Variants in ANKRD37 observed in about 807,000 individuals in gnomAD.
ANKRD37 encodes the protein ankyrin repeat domain 37.
Under a neutral mutation model 19.7 loss-of-function variants are expected in ANKRD37, and 17 were observed. The observed-to-expected ratio is 0.86, with a 90% CI of 0.59 to 1.29. The LOEUF (loss-of-function observed/expected upper bound fraction) is 1.29. Among genes scored for constraint, ANKRD37 ranks in the 50% most tolerant of loss-of-function variants. The pLI is 0.00. For synonymous variants in ANKRD37, 79 were observed against 74.5 expected (o/e 1.06, Z -0.31); for missense variants, 207 against 190.4 (o/e 1.09, Z -0.51).
chr4:185,398,101 G>A (rs2095507810), intron 2 of ANKRD37, among the ~76,000 whole-genome samples: 1 of 152,120 alleles, frequency 6.6e-6, no homozygotes, highest in African/African-American at 2.4e-5. Context: ...GGGATTACAG[G>A]CACGCGCCAC....
Position 185,397,379 on chromosome 4 carries a change from G to A in ANKRD37, c.180+77G>A, listed in dbSNP as rs574522880. Reference sequence around the variant, plus strand: ...CACAAACATTTCTCAGACGCCAAGAGTTGTTTCAGCTGTTAAAAACATGTC... The same window carrying A: ...CACAAACATTTCTCAGACGCCAAGAATTGTTTCAGCTGTTAAAAACATGTC... On this transcript the variant is annotated intron_variant, in intron 2 of 4. Transcript: ENST00000335174. The A allele has an allele frequency of 3.0e-5, 46 of 1,543,994 alleles. No individual in the cohort carries two copies. The African/African-American group carries it at 5.2e-4, about 17-fold the overall frequency.
chr4:185,399,460 C>CT (rs1203386123), intron 3 of ANKRD37, 110 bp from the exon 4 acceptor site: 2 of 1,194,228 alleles, frequency 1.7e-6, no homozygotes, highest in African/African-American at 1.5e-5. Context: ...TCCTTTACCT[C>CT]TTCTGTTCTG....
rs745995558 is a variant in ANKRD37, at chr4:185,397,197, A to C, written c.75A>C (p.Ala25=). 2 of 1,613,820 alleles carry C rather than the reference A, an allele frequency of 1.2e-6. No homozygotes were observed. The highest frequency in any genetic ancestry group is 1.7e-4 in the Middle Eastern group (1 of 5,878). ...HLLETGASVN[A]PPDPCKQSPV... is the part of the protein sequence containing the mutation. ...TGGAGACAGGGGCCTCGGTCAACGC[A>C]CCCCCGGATCCCTGCAAGCAGTCGC... Residue 25 remains alanine (A), a synonymous_variant, in exon 2 of 5, where the codon GCA becomes GCC. Coordinates refer to ENST00000335174, the MANE Select transcript of ANKRD37 (RefSeq NM_181726.4).
At chr4:185,398,902 T>C in intron 2 of ANKRD37, 35 bp from the exon 3 acceptor site, 1 of 1,565,866 alleles carries the variant, frequency 6.4e-7, no homozygotes. Context: ...AAAAGTGTTT[T>C]TGGGAGACTC....
At chr4:185,398,085 G>A (rs1231938784) in intron 2 of ANKRD37, among the ~76,000 whole-genome samples, 1 of 152,144 alleles carries the variant, frequency 6.6e-6, no homozygotes, top group African/African-American at 2.4e-5. Context: ...AGCCTCCCTA[G>A]TAGGTGGGAT....
chr4:185,398,749 A>AAT (rs2095509117), intron 2 of ANKRD37, among the ~76,000 whole-genome samples, 188 bp from the exon 3 acceptor site: 1 of 151,890 alleles, frequency 6.6e-6, no homozygotes, highest in African/African-American at 2.4e-5. Flanking sequence ...ACTGAGAATG[A>AAT]ATATTAACAA....
At chr4:185,397,531 A>G in intron 2 of ANKRD37, 1 of 529,740 alleles carries the variant, frequency 1.9e-6, no homozygotes, top group Non-Finnish European at 3.2e-6. Context: ...TAAACGAAAC[A>G]TGAAATTTTA....
At position 185,396,936 on chromosome 4, in the gene ANKRD37, G is replaced by A; in HGVS notation, c.13G>A (p.Asp5Asn). The change falls in exon 1 of 5, where the codon GAT becomes AAT. Residue 5 changes from aspartate (D) to asparagine (N), a missense_variant. By Grantham distance (23) the Asp-to-Asn change is conservative. Coordinates refer to ENST00000335174, the MANE Select transcript of ANKRD37 (RefSeq NM_181726.4). Reference sequence around the variant, plus strand: ...CCTTAGGCGGGAAATGCTGTTGCTGGATTGCAACCCCGAGGTGAGATTCGG... The same window carrying A: ...CCTTAGGCGGGAAATGCTGTTGCTGAATTGCAACCCCGAGGTGAGATTCGG... MLLL[D>N]CNPEVDGLKH... is the part of the protein sequence containing the mutation. 1 of 1,613,654 alleles carries A rather than the reference G, an allele frequency of 6.2e-7. No individual in the cohort carries two copies. Among genetic ancestry groups the A allele is most frequent in the Non-Finnish European group, 8.5e-7 (1 of 1,180,036 alleles).
Position 185,397,140 on chromosome 4 carries a change from C to T in ANKRD37, c.28-10C>T, listed in dbSNP as rs772772775. ...GTGGGAAGGGTGCTGGATCTGTTCT[C>T]TTCCTGCAGGTGGATGGTCTGAAGC... On this transcript the variant is annotated splice_polypyrimidine_tract_variant and intron_variant, in intron 1 of 4. Coordinates refer to ENST00000335174, the MANE Select transcript of ANKRD37 (RefSeq NM_181726.4). The T allele has an allele frequency of 1.9e-6, 3 of 1,613,010 alleles. No homozygotes were observed. Among genetic ancestry groups the T allele is most frequent in the African/African-American group, 1.3e-5 (1 of 74,920 alleles).
chr4:185,400,251 C>T (rs1319079521), downstream of ANKRD37: 8 of 742,738 alleles, frequency 1.1e-5, no homozygotes, highest in African/African-American at 1.8e-5. Context: ...ATACATTCTC[C>T]GTGCAGTATT....
At position 185,399,775 on chromosome 4, in the gene ANKRD37, T is replaced by TA; in HGVS notation, c.476+4dup. The TA allele has an allele frequency of 6.2e-7, 1 of 1,613,956 alleles. No individual in the cohort carries two copies. The highest frequency in any genetic ancestry group is 1.1e-5 in the South Asian group (1 of 91,038). On this transcript the variant is annotated splice_region_variant and intron_variant, in intron 4 of 4. Coordinates refer to ENST00000335174, the MANE Select transcript of ANKRD37 (RefSeq NM_181726.4). ...TACCAGTGGGAAAAGGAAGTGCTGG[T>TA]AAGTAACTCAGAGCTGCTGCTTTTT...
At chr4:185,400,521 C>T (rs375238489), downstream of ANKRD37, 1 of 1,459,540 alleles carries the variant, frequency 6.9e-7, no homozygotes, top group South Asian at 1.2e-5. Context: ...TACAAAGTTA[C>T]AAGATTATGT....
At position 185,397,322 on chromosome 4, in the gene ANKRD37, T is replaced by C; in HGVS notation, c.180+20T>C. The C allele has an allele frequency of 9.3e-6, 15 of 1,612,564 alleles. No homozygotes were observed. Among genetic ancestry groups the C allele is most frequent in the Non-Finnish European group, 1.3e-5 (15 of 1,179,306 alleles). On this transcript the variant is annotated intron_variant, in intron 2 of 4. Transcript: ENST00000335174. ...CAGCAGGTAACTAGGTAACTGTTGC[T>C]GTGTACAGCCGTCCCCTCCAACCCA...
chr4:185,399,514 A>T (rs961213586), intron 3 of ANKRD37, 56 bp from the exon 4 acceptor site: 41 of 1,384,636 alleles, frequency 3.0e-5, no homozygotes, highest in Non-Finnish European at 3.8e-5. Context: ...GTAAGATATA[A>T]AAAAAAAGAC....
At position 185,399,746 on chromosome 4, in the gene ANKRD37, A is replaced by C; in HGVS notation, c.449A>C (p.Glu150Ala). Residue 150 changes from glutamate (E) to alanine (A), a missense_variant, in exon 4 of 5, where the codon GAA becomes GCA. By Grantham distance (107) the Glu-to-Ala change is moderately radical. Transcript: ENST00000335174. ...LRQKRSLGSV[E>A]NTSGKRKC Reference sequence around the variant, plus strand: ...CAGAAACGGAGTCTCGGAAGTGTAGAAAATACCAGTGGGAAAAGGAAGTGC... The same window carrying C: ...CAGAAACGGAGTCTCGGAAGTGTAGCAAATACCAGTGGGAAAAGGAAGTGC... The C allele has an allele frequency of 6.2e-7, 1 of 1,614,144 alleles. No individual in the cohort carries two copies. The highest frequency in any genetic ancestry group is 8.5e-7 in the Non-Finnish European group (1 of 1,180,008).
At chr4:185,398,300 AAG>A (rs1366675700) in intron 2 of ANKRD37, among the ~76,000 whole-genome samples, 10 of 152,360 alleles carry the variant, frequency 6.6e-5, no homozygotes, top group Admixed American at 3.9e-4. Context: ...AGCAAACTAA[AAG>A]AACTAATCAA....
intron 2 of ANKRD37, 143 bp from the exon 3 acceptor site, chr4:185,398,794 C>CAAAA (rs34434090): frequency 1.9e-4 from 48 of 253,768 alleles, no homozygotes; most frequent in South Asian, 5.6e-4. Flanking sequence ...TGTTCTCTGC[C>CAAAA]AAAAAAAAAA....
chr4:185,397,334 TC>T, intron 2 of ANKRD37, 32 bp downstream of exon 2: 1 of 1,606,310 alleles, frequency 6.2e-7, no homozygotes, highest in Non-Finnish European at 8.5e-7. Flanking sequence ...TGTACAGCCG[TC>T]CCCTCCAACC....
Position 185,399,784 on chromosome 4 carries a change from C to CA in ANKRD37, c.476+12dup. 6.2e-7 allele frequency: 1 copy of CA among 1,613,668 alleles called. No homozygotes were observed. Among genetic ancestry groups the CA allele is most frequent in the Middle Eastern group, 1.6e-4 (1 of 6,062 alleles). On this transcript the variant is annotated intron_variant, in intron 4 of 4. Coordinates refer to ENST00000335174, the MANE Select transcript of ANKRD37 (RefSeq NM_181726.4). The stretch of plus-strand genomic sequence containing the variant: ...GAAAAGGAAGTGCTGGTAAGTAACT[C>CA]AGAGCTGCTGCTTTTTTCCTCCCGC...
Sources: gnomAD v4.1 joint callset for allele counts (sites outside exome capture counted in the v4.1 genomes callset) on GRCh38, gnomAD v4.1.1 for gene constraint, MANE v1.5 for transcripts, NCBI Gene and HGNC (gene_info 2026-07-23, HGNC 2026-07-21) for gene names.